SLC15A5: variants seen among roughly 807,000 people sequenced by gnomAD.
SLC15A5 encodes the protein solute carrier family 15 member 5, also known as Peptide/histidine transporter ENSP00000340402.
A neutral mutation model predicts 56.1 loss-of-function variants in SLC15A5; 58 were observed. That is an observed-to-expected ratio of 1.03 (90% CI 0.84 to 1.29). The LOEUF (loss-of-function observed/expected upper bound fraction) is 1.29, where lower values mean the gene tolerates loss of function less well. Among genes scored for constraint, SLC15A5 ranks in the 50% most tolerant of loss-of-function variants. The pLI is 0.00. For synonymous variants in SLC15A5, 264 were observed against 250.5 expected (o/e 1.05, Z -0.51); for missense variants, 681 against 672.1 (o/e 1.01, Z -0.15).
chr12:16,244,222 G>T (rs540213196), intron 4 of SLC15A5, among the ~76,000 whole-genome samples: 1 of 152,234 alleles, frequency 6.6e-6, no homozygotes, highest in South Asian at 2.1e-4. Flanking sequence ...GGTTTAATGA[G>T]GGAGGAAGGC....
rs71438372 is a variant in SLC15A5, at chr12:16,229,647, TACACAC to T, written c.1163-5051_1163-5046del. Among the ~76,000 whole-genome samples the T allele has an allele frequency of 3.6e-3, 515 of 144,382 alleles. 4 individuals are homozygous for T. Among genetic ancestry groups the T allele is most frequent in the African/African-American group, 9.6e-3 (372 of 38,898 alleles). 94.7% of individuals were successfully genotyped at this position (144,382 alleles called of 152,430 possible). Reference sequence around the variant, plus strand: ...GTTCAAAGTAAGCAACACACACACATACACACACACACACACACACACACACACACA... The same window carrying T: ...GTTCAAAGTAAGCAACACACACACATACACACACACACACACACACACACA... On this transcript the variant is annotated intron_variant, in intron 5 of 8. Coordinates refer to ENST00000344941, the MANE Select transcript of SLC15A5 (RefSeq NM_001170798.1).
At chr12:16,226,725 T>C (rs567438410) in intron 5 of SLC15A5, among the ~76,000 whole-genome samples, 5 of 152,282 alleles carry the variant, frequency 3.3e-5, no homozygotes, top group African/African-American at 1.2e-4. Flanking sequence ...TCTCTTCCTT[T>C]TACTTTTGAG....
At chr12:16,253,716 T>A (rs944849500) in intron 3 of SLC15A5, among the ~76,000 whole-genome samples, 15 of 151,986 alleles carry the variant, frequency 9.9e-5, no homozygotes, top group African/African-American at 3.4e-4. Flanking sequence ...GAAATAATAA[T>A]AAGAAGATGT....
intron 7 of SLC15A5, among the ~76,000 whole-genome samples, chr12:16,203,816 G>A (rs1448396413): frequency 1.3e-5 from 2 of 152,030 alleles, no homozygotes; most frequent in African/African-American, 4.8e-5. Context: ...AGGGTCAACT[G>A]AAATACTCTT....
intron 7 of SLC15A5, among the ~76,000 whole-genome samples, chr12:16,210,228 A>G (rs1486803632): frequency 6.6e-6 from 1 of 152,220 alleles, no homozygotes; most frequent in East Asian, 1.9e-4. Context: ...ATTTCCAGGT[A>G]CTCCTAGTAT....
At chr12:16,268,568 G>A (rs952490052) in intron 2 of SLC15A5, among the ~76,000 whole-genome samples, 10 of 152,096 alleles carry the variant, frequency 6.6e-5, no homozygotes, top group Non-Finnish European at 1.2e-4. Context: ...ATGATTTTAC[G>A]ATTGAAGAGT....
At position 16,267,984 on chromosome 12, in the gene SLC15A5, C is replaced by T. The variant is rs1304785275; in HGVS notation, c.584+4577G>A. On this transcript the variant is annotated intron_variant, in intron 2 of 8. Transcript: ENST00000344941. The stretch of plus-strand genomic sequence containing the variant: ...CCCCTGGCCTTGAGTGATCCTCCTG[C>T]CTAGGCCTCCCAGAGCCCAGGGATT... Among the ~76,000 whole-genome samples the T allele has an allele frequency of 3.5e-5, 4 of 113,664 alleles. 1 individual carries two copies. The highest frequency in any genetic ancestry group is 7.4e-5 in the Non-Finnish European group (4 of 53,920). The allele number at this position is 113,664 out of a possible 152,430, so 74.6% of individuals were successfully genotyped here. A position where few individuals can be genotyped will look rare whatever the true frequency, so the allele number is the denominator to read the frequency against.
rs185406145 is a variant in SLC15A5 at position 16,277,527 on chromosome 12, C to T, written c.159G>A (p.Glu53=). 1 of 1,536,462 alleles carries T rather than the reference C, an allele frequency of 6.5e-7. No individual in the cohort carries two copies. Among genetic ancestry groups the T allele is most frequent in the East Asian group, 2.4e-5 (1 of 40,878 alleles). The change falls in exon 1 of 9, where the codon GAG becomes GAA. Residue 53 remains glutamate (E), a synonymous_variant. Coordinates refer to ENST00000344941, the MANE Select transcript of SLC15A5 (RefSeq NM_001170798.1). ...AGACGACTTCAAAGAACGTGAACCT[C>T]TCACACAGCTCCACCAGAAGCAAGC... The part of the protein sequence containing the change: ...GICLLLVELC[E]RFTFFEVVCN...
chr12:16,223,775 G>A (rs1470532288), intron 6 of SLC15A5, among the ~76,000 whole-genome samples: 3 of 151,856 alleles, frequency 2.0e-5, no homozygotes, highest in Non-Finnish European at 4.4e-5. Context: ...GAGTGCAGCG[G>A]CACAATCTCG....
intron 5 of SLC15A5, among the ~76,000 whole-genome samples, chr12:16,231,521 T>C (rs1864299731): frequency 6.6e-6 from 1 of 152,120 alleles, no homozygotes; most frequent in South Asian, 2.1e-4. Context: ...ATTTAGAAGC[T>C]CATGACTTGA....
intron 2 of SLC15A5, among the ~76,000 whole-genome samples, chr12:16,264,882 A>G (rs1024597324): frequency 1.3e-5 from 2 of 152,044 alleles, no homozygotes; most frequent in Admixed American, 6.6e-5. Flanking sequence ...GTCAAATTAA[A>G]CCTCTTTCTT....
intron 2 of SLC15A5, 103 bp downstream of exon 2, chr12:16,272,458 C>T: frequency 9.6e-7 from 1 of 1,046,644 alleles, no homozygotes; most frequent in Non-Finnish European, 1.4e-6. Flanking sequence ...TCACTTAGCC[C>T]AATTCATCAC....
chr12:16,271,707 C>T lies in SLC15A5; in HGVS notation c.584+854G>A, dbSNP rs1406053844. Among the ~76,000 whole-genome samples, 1 of 152,146 alleles carries T rather than the reference C, an allele frequency of 6.6e-6. No individual in the cohort carries two copies. The highest frequency in any genetic ancestry group is 1.5e-5 in the Non-Finnish European group (1 of 68,028). ...GTAGCTCACATCTGTTTGACATCCA[C>T]TGATAGATAACAAAGAATAACAAAG... On this transcript the variant is annotated intron_variant, in intron 2 of 8. Coordinates refer to ENST00000344941, the MANE Select transcript of SLC15A5 (RefSeq NM_001170798.1). This position sits in a 1 kb window ranked among gnomAD's most constrained non-coding sequence, Gnocchi z 8.0.
At chr12:16,202,296 A>G (rs1044897892) in intron 7 of SLC15A5, among the ~76,000 whole-genome samples, 6 of 152,194 alleles carry the variant, frequency 3.9e-5, no homozygotes, top group Non-Finnish European at 8.8e-5. Context: ...AATGACCTGA[A>G]TAGACATTTC....
rs568282590 is a variant in SLC15A5, at chr12:16,211,362, T to A, written c.1483+5531A>T. On this transcript the variant is annotated intron_variant, in intron 7 of 8. Coordinates refer to ENST00000344941, the MANE Select transcript of SLC15A5 (RefSeq NM_001170798.1). ...ATATTTAAATGAGCCTTTTAGGAGA[T>A]CTCATTTTTAATTTAAGAGAATCTT... Among the ~76,000 whole-genome samples, 4 of 152,280 alleles carry A rather than the reference T, an allele frequency of 2.6e-5. No homozygotes were observed. In the South Asian group the frequency reaches 8.3e-4, roughly 32 times the overall value.
chr12:16,255,836 C>A (rs1864566623), intron 3 of SLC15A5, among the ~76,000 whole-genome samples: 1 of 151,816 alleles, frequency 6.6e-6, no homozygotes, highest in South Asian at 2.1e-4. Context: ...TTACTTCTTA[C>A]ATCAAAAGGG....
chr12:16,233,534 G>C (rs1392214888), intron 5 of SLC15A5, among the ~76,000 whole-genome samples: 1 of 152,144 alleles, frequency 6.6e-6, no homozygotes, highest in African/African-American at 2.4e-5. Context: ...CAGACGGTGG[G>C]CCAGATTTGG....
intron 7 of SLC15A5, among the ~76,000 whole-genome samples, chr12:16,209,237 T>C (rs1253815781): frequency 1.3e-5 from 2 of 152,058 alleles, no homozygotes; most frequent in Non-Finnish European, 2.9e-5. Context: ...CTTCAGTGAA[T>C]ATACATATGT....
intron 2 of SLC15A5, among the ~76,000 whole-genome samples, chr12:16,264,565 G>C (rs1864674663): frequency 6.6e-6 from 1 of 152,126 alleles, no homozygotes; most frequent in Non-Finnish European, 1.5e-5. Context: ...TATGAGATTT[G>C]GGAGGGGCCA....
Sources: gnomAD v4.1 joint callset for allele counts (sites outside exome capture counted in the v4.1 genomes callset) on GRCh38, gnomAD v4.1.1 for gene constraint, Gnocchi (gnomAD v3.1) non-coding constraint, MANE v1.5 for transcripts, NCBI Gene and HGNC (gene_info 2026-07-23, HGNC 2026-07-21) for gene names.